Variants in SLC24A2 observed in about 807,000 individuals in gnomAD.
SLC24A2 encodes the protein solute carrier family 24 member 2, also known as sodium/potassium/calcium exchanger 2.
In SLC24A2, 36 loss-of-function variants were observed where a neutral mutation model predicts 62.0. The ratio of observed to expected loss-of-function variants is 0.58; its 90% CI spans 0.44 to 0.77. The LOEUF (loss-of-function observed/expected upper bound fraction) is 0.77, where lower values mean the gene tolerates loss of function less well. SLC24A2 is among the 30% of genes least tolerant of loss of function. The probability of loss-of-function intolerance (pLI) is 0.00; values close to 1 mark genes in which losing one functional copy is unlikely to be tolerated. For missense variants in SLC24A2, 846 were observed against 817.9 expected (o/e 1.03, Z -0.42); for synonymous variants, 358 against 294.0 (o/e 1.22, Z -2.23).
At chr9:19,650,094 G>A (rs550938166) in intron 2 of SLC24A2, among the ~76,000 whole-genome samples, 7 of 152,286 alleles carry the variant, frequency 4.6e-5, no homozygotes, top group East Asian at 3.9e-4. Context: ...GTTTTACCTC[G>A]TAGGCTATTT....
the SLC24A2 span, among the ~76,000 whole-genome samples, chr9:20,018,999 G>A: frequency 1.3e-5 from 2 of 151,660 alleles, no homozygotes; most frequent in Admixed American, 6.6e-5. Context: ...CAGAGACAGA[G>A]GTTGAGTGAG....
intron 5 of SLC24A2, among the ~76,000 whole-genome samples, chr9:19,581,404 T>A (rs1029908886): frequency 5.3e-5 from 8 of 152,022 alleles, no homozygotes; most frequent in Non-Finnish European, 1.0e-4. Context: ...GCAAAATGGA[T>A]TTGCTCAAAA....
intron 2 of SLC24A2, among the ~76,000 whole-genome samples, chr9:19,703,028 G>A (rs1042623230): frequency 2.0e-5 from 3 of 152,240 alleles, no homozygotes; most frequent in African/African-American, 7.2e-5. Context: ...TTTCTATACT[G>A]TTGTTGGGTA....
rs902302128 is a variant in SLC24A2, at chr9:19,509,993, A to G, written c.*6160T>C. The stretch of plus-strand genomic sequence containing the variant: ...TTAATAAGTGGAGATCCAATCATTT[A>G]TCCCAGTTTCATATTTAAAATAAAA... On this transcript the variant is annotated 3_prime_UTR_variant, in exon 11 of 11. Transcript: ENST00000341998. 6.6e-6 allele frequency: 1 copy of G among 152,194 alleles called. No homozygotes were observed. Among genetic ancestry groups the G allele is most frequent in the African/African-American group, 2.4e-5 (1 of 41,454 alleles). The allele number at this position is 152,194 out of a possible 1,614,324, so 9.4% of individuals were successfully genotyped here.
chr9:19,643,091 A>G (rs1398524961), intron 2 of SLC24A2, among the ~76,000 whole-genome samples: 1 of 150,322 alleles, frequency 6.7e-6, no homozygotes, highest in South Asian at 2.1e-4. Context: ...GTAAATTTTA[A>G]TTTAGTAACT....
At chr9:19,711,074 T>C (rs926834701) in intron 2 of SLC24A2, among the ~76,000 whole-genome samples, 19 of 152,222 alleles carry the variant, frequency 1.2e-4, no homozygotes, top group Non-Finnish European at 2.5e-4. Flanking sequence ...AAAATAACTG[T>C]GTGCTTAGCA....
chr9:19,754,603 T>A (rs759865738), intron 2 of SLC24A2, among the ~76,000 whole-genome samples: 6 of 152,046 alleles, frequency 3.9e-5, no homozygotes, highest in Admixed American at 6.6e-5. Context: ...AAAGTCAGGT[T>A]AGAGGCTGTG....
the SLC24A2 span, among the ~76,000 whole-genome samples, chr9:20,307,283 G>C: frequency 6.6e-6 from 1 of 152,194 alleles, no homozygotes; most frequent in African/African-American, 2.4e-5. Flanking sequence ...TGTAAATGAA[G>C]TGTTTGAGAT....
At chr9:20,304,262 G>A in the SLC24A2 span, among the ~76,000 whole-genome samples, 1 of 151,662 alleles carries the variant, frequency 6.6e-6, no homozygotes, top group African/African-American at 2.4e-5. Context: ...CCCACCCCCA[G>A]CCCCCTTCCT....
the SLC24A2 span, among the ~76,000 whole-genome samples, chr9:19,964,188 G>A: frequency 7.6e-6 from 1 of 131,808 alleles, no homozygotes; most frequent in East Asian, 2.3e-4. Context: ...ATGGACACAG[G>A]AAGGGGAACA....
intron 2 of SLC24A2, among the ~76,000 whole-genome samples, chr9:19,774,437 G>A (rs867011677): frequency 3.3e-5 from 5 of 152,016 alleles, no homozygotes; most frequent in African/African-American, 4.8e-5. Context: ...AGCCATCATC[G>A]GCCGTCTCGG....
chr9:20,086,897 G>A, the SLC24A2 span, among the ~76,000 whole-genome samples: 2 of 152,168 alleles, frequency 1.3e-5, no homozygotes, highest in African/African-American at 2.4e-5. Context: ...ACACTTACAA[G>A]AGGTTATTTG....
intron 2 of SLC24A2, among the ~76,000 whole-genome samples, chr9:19,731,516 CGTGTGT>C (rs71496830): frequency 8.8e-5 from 10 of 113,710 alleles, no homozygotes; most frequent in African/African-American, 2.1e-4. Context: ...TCTCTCTCTC[CGTGTGT>C]GTGTGTGTGT....
chr9:19,894,628 GA>G, the SLC24A2 span, among the ~76,000 whole-genome samples: 1 of 151,562 alleles, frequency 6.6e-6, no homozygotes, highest in Middle Eastern at 3.2e-3. Flanking sequence ...TTCTAATTTT[GA>G]GTAAGCACAG....
At chr9:20,184,322 G>A in the SLC24A2 span, among the ~76,000 whole-genome samples, 35 of 152,148 alleles carry the variant, frequency 2.3e-4, no homozygotes, top group Non-Finnish European at 4.9e-4. Flanking sequence ...AGGCTGAGGC[G>A]GGCAGACCAC....
chr9:19,684,744 G>A (rs1239443692), intron 2 of SLC24A2, among the ~76,000 whole-genome samples: 1 of 151,994 alleles, frequency 6.6e-6, no homozygotes, highest in Non-Finnish European at 1.5e-5. Context: ...GCAGAGGTGA[G>A]TTCATATCTG....
chr9:19,561,012 G>A (rs1045448945), intron 7 of SLC24A2, among the ~76,000 whole-genome samples: 1 of 151,676 alleles, frequency 6.6e-6, no homozygotes, highest in Admixed American at 6.6e-5. Flanking sequence ...TGCAACCTCC[G>A]CCTCCCAGGT....
At chr9:19,663,920 A>G (rs1248327952) in intron 2 of SLC24A2, among the ~76,000 whole-genome samples, 1 of 152,204 alleles carries the variant, frequency 6.6e-6, no homozygotes, top group Non-Finnish European at 1.5e-5. Context: ...TTCCCTTCCA[A>G]TATCCTGTCT....
At chr9:20,012,307 C>G in the SLC24A2 span, among the ~76,000 whole-genome samples, 114 of 152,252 alleles carry the variant, frequency 7.5e-4, 1 homozygote, top group South Asian at 8.1e-3. Context: ...AGACAAGAGA[C>G]AAGAGCTTGT....
Sources: gnomAD v4.1 joint callset for allele counts (sites outside exome capture counted in the v4.1 genomes callset) on GRCh38, gnomAD v4.1.1 for gene constraint, MANE v1.5 for transcripts, NCBI Gene and HGNC (gene_info 2026-07-23, HGNC 2026-07-21) for gene names.